Variants in NOL4 observed in about 807,000 individuals in gnomAD.
NOL4 encodes the protein cancer/testis antigen 125.
Under a neutral mutation model 75.9 loss-of-function variants are expected in NOL4, and 17 were observed. The observed-to-expected ratio is 0.22, with a 90% CI of 0.15 to 0.34. The LOEUF is 0.34. NOL4 is among the 10% of genes least tolerant of loss of function. NOL4 has a pLI of 1.00. For synonymous variants in NOL4, 292 were observed against 289.9 expected, an observed-to-expected ratio of 1.01 and a Z score of -0.07; for missense variants, 614 against 793.5, an observed-to-expected ratio of 0.77 and a Z score of 2.72.
intron 5 of NOL4, among the ~76,000 whole-genome samples, chr18:34,082,953 G>A (rs542116528): frequency 6.6e-6 from 1 of 152,206 alleles, no homozygotes; most frequent in South Asian, 2.1e-4. Context: ...AACATTTAAG[G>A]TTGCCAAAGA....
At chr18:34,146,987 A>G (rs2146048371) in intron 1 of NOL4, among the ~76,000 whole-genome samples, 1 of 151,964 alleles carries the variant, frequency 6.6e-6, no homozygotes, top group South Asian at 2.1e-4. Flanking sequence ...AGCAATTGTG[A>G]TGGGAGTTCA....
chr18:34,024,507 C>T (rs1384251481), intron 5 of NOL4, among the ~76,000 whole-genome samples: 3 of 151,856 alleles, frequency 2.0e-5, no homozygotes, highest in African/African-American at 4.8e-5. Context: ...AGTTTAAGTG[C>T]AACTCTCCTT....
rs191700825 is a variant in NOL4 at position 33,934,913 on chromosome 18, C to T, written c.1542+8152G>A. Among the ~76,000 whole-genome samples, 356 of 140,480 alleles carry T rather than the reference C, an allele frequency of 2.5e-3. 1 individual carries two copies. Among genetic ancestry groups the T allele is most frequent in the Non-Finnish European group, 4.0e-3 (268 of 66,596 alleles). The allele number at this position is 140,480 out of a possible 152,430, so 92.2% of individuals were successfully genotyped here. On this transcript the variant is annotated intron_variant, in intron 9 of 10. Transcript: ENST00000261592. ...AGGGTCTCACTCTGTTGCCTGGAGG[C>T]GGTGGCACAATCATGGCTCACTGCA...
chr18:34,010,228 G>A (rs1297487740), intron 6 of NOL4, among the ~76,000 whole-genome samples: 5 of 151,516 alleles, frequency 3.3e-5, no homozygotes. Flanking sequence ...TTAATTTTTG[G>A]CTTCCACGTA....
chr18:34,140,351 A>T (rs1430510568), intron 1 of NOL4, among the ~76,000 whole-genome samples: 1 of 152,112 alleles, frequency 6.6e-6, no homozygotes, highest in Non-Finnish European at 1.5e-5. Context: ...TGCTTTATGA[A>T]TCTGGGTGCT....
At chr18:34,024,718 T>G (rs1365301361) in intron 5 of NOL4, among the ~76,000 whole-genome samples, 1 of 152,204 alleles carries the variant, frequency 6.6e-6, no homozygotes, top group African/African-American at 2.4e-5. Context: ...ACTGGAATAC[T>G]ATACTGGAAT....
intron 10 of NOL4, among the ~76,000 whole-genome samples, chr18:33,878,589 A>G (rs536822845): frequency 6.6e-6 from 1 of 152,226 alleles, no homozygotes; most frequent in Admixed American, 6.5e-5. Flanking sequence ...ACATACTTCC[A>G]GCACTGTAAA....
chr18:34,143,100 G>A (rs1020105561), intron 1 of NOL4, among the ~76,000 whole-genome samples: 3 of 151,854 alleles, frequency 2.0e-5, no homozygotes, highest in Admixed American at 6.6e-5. Flanking sequence ...GAAGGGAAGC[G>A]AAGGGAAGGG....
intron 1 of NOL4, among the ~76,000 whole-genome samples, chr18:34,146,392 T>C (rs1265150027): frequency 6.6e-6 from 1 of 152,138 alleles, no homozygotes; most frequent in Non-Finnish European, 1.5e-5. Flanking sequence ...CCATCTTGAG[T>C]TAATTTTTGT....
intron 4 of NOL4, among the ~76,000 whole-genome samples, chr18:34,099,508 T>C (rs1293997311): frequency 6.6e-6 from 1 of 152,152 alleles, no homozygotes; most frequent in Admixed American, 6.6e-5. Flanking sequence ...CTCATAATCA[T>C]GTTCTATGCA....
chr18:34,210,494 C>T (rs770325870), intron 1 of NOL4, among the ~76,000 whole-genome samples: 1 of 152,124 alleles, frequency 6.6e-6, no homozygotes, highest in Non-Finnish European at 1.5e-5. Context: ...AAAAACATAA[C>T]CAATGCTATG....
chr18:33,910,563 T>G (rs1268510545), intron 9 of NOL4, among the ~76,000 whole-genome samples: 2 of 152,066 alleles, frequency 1.3e-5, no homozygotes, highest in Non-Finnish European at 2.9e-5. Flanking sequence ...CATCTCATCT[T>G]GATTTCCCTA....
chr18:33,998,980 C>A (rs1461284313), intron 6 of NOL4, among the ~76,000 whole-genome samples: 1 of 152,086 alleles, frequency 6.6e-6, no homozygotes, highest in Non-Finnish European at 1.5e-5. Flanking sequence ...TTTTCTTAAA[C>A]TGCTTGCTAA....
chr18:34,182,593 T>G (rs1360289346), intron 1 of NOL4, among the ~76,000 whole-genome samples: 2 of 151,704 alleles, frequency 1.3e-5, no homozygotes, highest in East Asian at 1.9e-4. Context: ...ACTGATACAT[T>G]TGTGAATAGT....
At chr18:33,942,722 C>T (rs2068578162) in intron 9 of NOL4, among the ~76,000 whole-genome samples, 1 of 151,736 alleles carries the variant, frequency 6.6e-6, no homozygotes, top group African/African-American at 2.4e-5. Context: ...TGAACATGAT[C>T]AGGTCACTCT....
intron 5 of NOL4, among the ~76,000 whole-genome samples, chr18:34,062,267 C>A (rs1355836661): frequency 6.6e-6 from 1 of 151,576 alleles, no homozygotes; most frequent in Non-Finnish European, 1.5e-5. Flanking sequence ...TAATAATTAA[C>A]AGAAAGACTC....
At chr18:33,883,530 A>T (rs916691719) in intron 9 of NOL4, 106 bp from the exon 10 acceptor site, 2 of 754,886 alleles carry the variant, frequency 2.6e-6, no homozygotes, top group East Asian at 5.9e-5. Context: ...ATAAGAAAAA[A>T]TATATAGTGA....
intron 9 of NOL4, among the ~76,000 whole-genome samples, chr18:33,939,240 G>C (rs949282414): frequency 6.6e-6 from 1 of 152,086 alleles, no homozygotes; most frequent in African/African-American, 2.4e-5. Flanking sequence ...TTTTTGCTTA[G>C]GATTGTCTTA....
intron 5 of NOL4, chr18:34,048,704 TC>T: frequency 1.6e-6 from 1 of 606,920 alleles, no homozygotes. Flanking sequence ...AAACATGCAC[TC>T]AGTCTTCCTC....
Sources: gnomAD v4.1 joint callset for allele counts (sites outside exome capture counted in the v4.1 genomes callset) on GRCh38, gnomAD v4.1.1 for gene constraint, MANE v1.5 for transcripts, NCBI Gene and HGNC (gene_info 2026-07-23, HGNC 2026-07-21) for gene names.